The following OR2C1 variants were observed in gnomAD, a reference collection of about 807,000 sequenced individuals.
OR2C1 encodes olfactory receptor family 2 subfamily C member 1.
For synonymous variants in OR2C1, 209 were observed against 167.3 expected, an observed-to-expected ratio of 1.25 and a Z score of -1.92; for missense variants, 468 against 388.3, an observed-to-expected ratio of 1.21 and a Z score of -1.73.
At chr16:3,345,484 TCA>T in the OR2C1 span, among the ~76,000 whole-genome samples, 8 of 50,238 alleles carry the variant, frequency 1.6e-4, 1 homozygote, top group African/African-American at 5.2e-4. Context: ...AGACTCTGTC[TCA>T]AAAAAAAAAA....
chr16:3,324,575 C>G, the OR2C1 span, among the ~76,000 whole-genome samples: 1 of 152,184 alleles, frequency 6.6e-6, no homozygotes, highest in Admixed American at 6.6e-5. Flanking sequence ...AAATATCTAA[C>G]TAAACTGCTC....
chr16:3,356,503 C>T lies in OR2C1; in HGVS notation c.563C>T (p.Ala188Val), dbSNP rs767671573. Residue 188 changes from alanine (A) to valine (V), a missense_variant, in exon 1 of 1, where the codon GCC becomes GTC. By Grantham distance (64) the Ala-to-Val change is moderately conservative. Transcript: ENST00000304936. ...LCEVPAMIKL[A>V]CGDTSLNQAV... is the part of the protein sequence containing the mutation. ...GAGGTGCCTGCCATGATCAAACTGG[C>T]CTGTGGCGACACAAGTCTCAACCAG... The T allele has an allele frequency of 1.2e-6, 2 of 1,614,132 alleles. No homozygotes were observed. The highest frequency in any genetic ancestry group is 1.7e-6 in the Non-Finnish European group (2 of 1,180,046).
chr16:3,329,439 T>C, the OR2C1 span, among the ~76,000 whole-genome samples: 9 of 151,858 alleles, frequency 5.9e-5, no homozygotes, highest in African/African-American at 1.9e-4. Flanking sequence ...CCTAGAAACA[T>C]TACAGTAAAT....
upstream of OR2C1, among the ~76,000 whole-genome samples, chr16:3,355,135 G>A (rs2030639838): frequency 1.3e-5 from 2 of 152,140 alleles, no homozygotes; most frequent in South Asian, 4.2e-4. Flanking sequence ...TCCATTCGGT[G>A]TGTAACCAAC....
At chr16:3,344,031 C>T in the OR2C1 span, among the ~76,000 whole-genome samples, 1 of 151,972 alleles carries the variant, frequency 6.6e-6, no homozygotes, top group Admixed American at 6.6e-5. Flanking sequence ...CCAGCCAGGC[C>T]AACATGGCAA....
chr16:3,355,457 C>CAA (rs56022625), upstream of OR2C1, among the ~76,000 whole-genome samples: 43 of 45,508 alleles, frequency 9.4e-4, no homozygotes, highest in African/African-American at 2.1e-3. Flanking sequence ...GACTCTGTCT[C>CAA]AAAAAAAAAA....
chr16:3,347,819 AACACACATGCACACACAT>A, the OR2C1 span, among the ~76,000 whole-genome samples: 1 of 123,998 alleles, frequency 8.1e-6, no homozygotes, highest in Non-Finnish European at 1.9e-5. Flanking sequence ...TGCACACACG[AACACACATGCACACACAT>A]ACACACATGC....
At chr16:3,346,766 A>T in the OR2C1 span, among the ~76,000 whole-genome samples, 1 of 150,690 alleles carries the variant, frequency 6.6e-6, no homozygotes, top group African/African-American at 2.4e-5. Context: ...AGCAGCTGGG[A>T]CTACAGACAC....
chr16:3,325,508 C>G, the OR2C1 span, among the ~76,000 whole-genome samples: 1 of 127,680 alleles, frequency 7.8e-6, no homozygotes, highest in South Asian at 2.5e-4. Flanking sequence ...TATATATACA[C>G]TTTAAAAATA....
At chr16:3,324,764 C>T in the OR2C1 span, among the ~76,000 whole-genome samples, 1 of 152,128 alleles carries the variant, frequency 6.6e-6, no homozygotes, top group Non-Finnish European at 1.5e-5. Context: ...TACACACACA[C>T]ACACGTATAT....
At chr16:3,352,261 C>T (rs1468024712), upstream of OR2C1, among the ~76,000 whole-genome samples, 7 of 151,928 alleles carry the variant, frequency 4.6e-5, no homozygotes, top group Admixed American at 2.6e-4. Context: ...GGACTACAGG[C>T]GCCCACCACC....
chr16:3,333,326 T>TTTTA, the OR2C1 span, among the ~76,000 whole-genome samples: 22 of 149,314 alleles, frequency 1.5e-4, no homozygotes, highest in Non-Finnish European at 3.0e-4. Flanking sequence ...ATATTTTCTT[T>TTTTA]TTTTATTTTA....
chr16:3,357,091 A>G lies in OR2C1; in HGVS notation c.*212A>G, dbSNP rs2030694254. ...TTTACCAAAAATCCTACTGTGGACTACCGATAGCAGGGGAGACATGTTGTT... is the reference window on the plus strand; with the variant it reads ...TTTACCAAAAATCCTACTGTGGACTGCCGATAGCAGGGGAGACATGTTGTT... On this transcript the variant is annotated 3_prime_UTR_variant, in exon 1 of 1. Transcript: ENST00000304936. 1 of 528,412 alleles carries G rather than the reference A, an allele frequency of 1.9e-6. No individual in the cohort carries two copies. The allele number at this position is 528,412 out of a possible 1,614,324, so 32.7% of individuals were successfully genotyped here. A position where few individuals can be genotyped will look rare whatever the true frequency, so the allele number is the denominator to read the frequency against.
At chr16:3,325,458 AAAAT>A in the OR2C1 span, among the ~76,000 whole-genome samples, 30 of 60,522 alleles carry the variant, frequency 5.0e-4, no homozygotes, top group East Asian at 3.4e-3. Context: ...ATTATGTCTA[AAAAT>A]ATATATATAT....
chr16:3,328,147 T>C, the OR2C1 span, among the ~76,000 whole-genome samples: 2 of 152,144 alleles, frequency 1.3e-5, no homozygotes, highest in African/African-American at 4.8e-5. Flanking sequence ...GTAGTTACTC[T>C]ATGCTTTAAC....
upstream of OR2C1, among the ~76,000 whole-genome samples, chr16:3,351,205 TC>T (rs1384505206): frequency 2.8e-3 from 55 of 19,304 alleles, 9 homozygotes; most frequent in African/African-American, 4.8e-3. Context: ...AAGTCTTTTT[TC>T]TTTTTTTCTT....
chr16:3,343,033 A>G, the OR2C1 span, among the ~76,000 whole-genome samples: 104 of 152,320 alleles, frequency 6.8e-4, no homozygotes, highest in African/African-American at 2.5e-3. Context: ...AAATTTTACA[A>G]ATGACAAATA....
At chr16:3,339,573 C>A in the OR2C1 span, among the ~76,000 whole-genome samples, 2 of 152,182 alleles carry the variant, frequency 1.3e-5, no homozygotes, top group Admixed American at 6.5e-5. Context: ...TCTCCTACCT[C>A]AGCCTCACAA....
chr16:3,336,935 C>T, the OR2C1 span, among the ~76,000 whole-genome samples: 5 of 148,444 alleles, frequency 3.4e-5, no homozygotes, highest in African/African-American at 9.9e-5. Flanking sequence ...CTCGAACTCC[C>T]GACCTCAGGT....
Sources: allele counts gnomAD v4.1 joint callset (sites outside exome capture counted in the v4.1 genomes callset), GRCh38; gene constraint gnomAD v4.1.1; transcripts MANE v1.5; gene names NCBI Gene and HGNC (gene_info 2026-07-23, HGNC 2026-07-21).